Variants in TRPC7 observed in about 807,000 individuals in gnomAD.
TRPC7 encodes short transient receptor potential channel 7.
Under a neutral mutation model 90.1 loss-of-function variants are expected in TRPC7, and 42 were observed. The observed-to-expected ratio is 0.47, with a 90% confidence interval of 0.36 to 0.60. TRPC7 has a LOEUF of 0.60. TRPC7 is among the 20% of genes least tolerant of loss of function. The probability of loss-of-function intolerance (pLI) is 0.00; values close to 1 mark genes in which losing one functional copy is unlikely to be tolerated. For synonymous variants in TRPC7, 451 were observed against 436.3 expected (o/e 1.03, Z -0.42); for missense variants, 955 against 1,112.3 (o/e 0.86, Z 2.01).
chr5:136,337,473 C>T (rs188910186), intron 2 of TRPC7, among the ~76,000 whole-genome samples: 26 of 152,236 alleles, frequency 1.7e-4, no homozygotes, highest in Non-Finnish European at 3.1e-4. Context: ...AGAGACCATA[C>T]TGGCTAACAC....
chr5:136,347,751 C>T (rs1162889731), intron 2 of TRPC7, among the ~76,000 whole-genome samples: 3 of 152,200 alleles, frequency 2.0e-5, no homozygotes, highest in Non-Finnish European at 4.4e-5. Flanking sequence ...TGTTCTCCTT[C>T]TATTTTACTG....
At chr5:136,356,582 T>A (rs745409486) in intron 2 of TRPC7, 26 bp downstream of exon 2, 1 of 1,508,834 alleles carries the variant, frequency 6.6e-7, no homozygotes. Context: ...GCAACCTGCC[T>A]GCAGGGTGCT....
At chr5:136,278,256 C>G (rs956945357) in intron 3 of TRPC7, among the ~76,000 whole-genome samples, 4 of 152,244 alleles carry the variant, frequency 2.6e-5, no homozygotes, top group African/African-American at 9.6e-5. Flanking sequence ...GGAAACTCCT[C>G]CTGGAGGGCT....
intron 7 of TRPC7, among the ~76,000 whole-genome samples, chr5:136,239,772 C>T (rs1368986388): frequency 1.3e-5 from 2 of 152,260 alleles, no homozygotes; most frequent in African/African-American, 4.8e-5. Flanking sequence ...CCTTTTGTAG[C>T]TGCCTTTCTT....
At chr5:136,350,581 C>T (rs938839103) in intron 2 of TRPC7, among the ~76,000 whole-genome samples, 29 of 152,112 alleles carry the variant, frequency 1.9e-4, no homozygotes, top group African/African-American at 5.6e-4. Context: ...AAAAGCATTC[C>T]CCTAGACACT....
intron 3 of TRPC7, among the ~76,000 whole-genome samples, chr5:136,275,608 C>G (rs1757341759): frequency 6.6e-6 from 1 of 152,148 alleles, no homozygotes; most frequent in South Asian, 2.1e-4. Flanking sequence ...CTACTTCTCT[C>G]TCTTGGAACT....
intron 2 of TRPC7, among the ~76,000 whole-genome samples, chr5:136,349,845 A>G (rs966676253): frequency 1.3e-5 from 2 of 152,358 alleles, no homozygotes; most frequent in East Asian, 1.9e-4. Context: ...AATGGACTGC[A>G]TATATGACAG....
chr5:136,298,134 G>A (rs750367121), intron 3 of TRPC7, among the ~76,000 whole-genome samples: 1 of 152,214 alleles, frequency 6.6e-6, no homozygotes, highest in Non-Finnish European at 1.5e-5. Context: ...CACTGGGATA[G>A]ACAGTGGCTG....
At position 136,247,842 on chromosome 5, in the gene TRPC7, G is replaced by C. The variant is rs1401474210; in HGVS notation, c.1580-107C>G. On this transcript the variant is annotated intron_variant, in intron 6 of 11. Transcript: ENST00000513104. This position sits in a 1 kb window ranked among gnomAD's most constrained non-coding sequence, Gnocchi z 4.2. ...TCCAACTGCATCATTTGCCATTCTT[G>C]TCCTTGTCCTTAAATTAATCCCAAT... The C allele has an allele frequency of 2.9e-6, 4 of 1,372,162 alleles. No homozygotes were observed. The Admixed American group carries it at 9.3e-5, about 32-fold the overall frequency. 85.0% of individuals were successfully genotyped at this position (1,372,162 alleles called of 1,614,324 possible).
At chr5:136,304,695 C>T (rs925123466) in intron 3 of TRPC7, among the ~76,000 whole-genome samples, 16 of 152,188 alleles carry the variant, frequency 1.1e-4, no homozygotes, top group African/African-American at 3.9e-4. Flanking sequence ...AGACAGCCCC[C>T]ATTACTTCAG....
chr5:136,287,905 G>A (rs997598285), intron 3 of TRPC7, among the ~76,000 whole-genome samples: 3 of 151,970 alleles, frequency 2.0e-5, no homozygotes, highest in Non-Finnish European at 4.4e-5. Context: ...ACAGAAAAAG[G>A]TGCCCCCAGA....
chr5:136,250,694 T>C (rs1384242176), intron 6 of TRPC7, among the ~76,000 whole-genome samples: 2 of 152,222 alleles, frequency 1.3e-5, no homozygotes, highest in Non-Finnish European at 2.9e-5. Context: ...TACACTATTT[T>C]ATTCAGCCCT....
chr5:136,298,569 C>T (rs1213847338), intron 3 of TRPC7, among the ~76,000 whole-genome samples: 1 of 152,204 alleles, frequency 6.6e-6, no homozygotes, highest in East Asian at 1.9e-4. Context: ...CCAGAGGAAA[C>T]CACTCTGCCC....
chr5:136,356,920 C>G lies in TRPC7; in HGVS notation c.468G>C (p.Glu156Asp). ...TGTCGTGGGAGAAGCGCGTGCCGTC[C>G]TCGTCGTAGGCATAGAAGTCGTCGT... ...LRDDDFYAYD[E>D]DGTRFSHDIT... Residue 156 changes from glutamate (E) to aspartate (D), a missense_variant, in exon 2 of 12, where the codon GAG becomes GAC. Coordinates refer to ENST00000513104, the MANE Select transcript of TRPC7 (RefSeq NM_020389.3). 1 of 1,613,702 alleles carries G rather than the reference C, an allele frequency of 6.2e-7. No individual in the cohort carries two copies. Among genetic ancestry groups the G allele is most frequent in the Non-Finnish European group, 8.5e-7 (1 of 1,179,944 alleles).
chr5:136,253,114 T>C (rs1275892965), intron 5 of TRPC7, among the ~76,000 whole-genome samples: 2 of 152,246 alleles, frequency 1.3e-5, no homozygotes, highest in Non-Finnish European at 2.9e-5. Context: ...AATAATTTTT[T>C]GCATCAGTTA....
intron 2 of TRPC7, among the ~76,000 whole-genome samples, chr5:136,324,500 C>G (rs1759287047): frequency 6.6e-6 from 1 of 152,070 alleles, no homozygotes; most frequent in East Asian, 1.9e-4. Context: ...AACTGAGATT[C>G]CTTAGTTCTC....
chr5:136,316,937 T>C (rs2149839741), intron 2 of TRPC7, among the ~76,000 whole-genome samples: 1 of 152,356 alleles, frequency 6.6e-6, no homozygotes, highest in Non-Finnish European at 1.5e-5. Flanking sequence ...CAGCCAATAG[T>C]TGGAAGCCTG....
chr5:136,219,028 G>T (rs889012), intron 10 of TRPC7, among the ~76,000 whole-genome samples: 67,669 of 152,042 alleles, frequency 0.45, 15,057 homozygotes, highest in South Asian at 0.5. Context: ...AAAGGCTCAA[G>T]ATGGTTTAGG....
chr5:136,352,340 T>C (rs915411832), intron 2 of TRPC7, among the ~76,000 whole-genome samples: 2 of 152,194 alleles, frequency 1.3e-5, no homozygotes, highest in African/African-American at 4.8e-5. Flanking sequence ...GAAATATTAA[T>C]TCCTCTAATT....
Sources: allele counts gnomAD v4.1 joint callset (sites outside exome capture counted in the v4.1 genomes callset), GRCh38; gene constraint gnomAD v4.1.1; non-coding constraint Gnocchi (gnomAD v3.1); transcripts MANE v1.5; gene names NCBI Gene and HGNC (gene_info 2026-07-23, HGNC 2026-07-21).